The following CAMKMT variants were observed in gnomAD, a reference collection of about 807,000 sequenced individuals.
CAMKMT encodes CaM KMT.
A neutral mutation model predicts 48.0 loss-of-function variants in CAMKMT; 53 were observed. The ratio of observed to expected loss-of-function variants is 1.10; its 90% CI spans 0.89 to 1.39. The LOEUF is 1.39. Among genes scored for constraint, CAMKMT ranks in the 40% most tolerant of loss-of-function variants. The pLI, the probability that CAMKMT is intolerant of heterozygous loss-of-function variation, is 0.00. For missense variants in CAMKMT, 428 were observed against 402.7 expected (o/e 1.06, Z -0.54); for synonymous variants, 165 against 152.3 (o/e 1.08, Z -0.61).
At chr2:44,459,825 G>A (rs1667759384) in intron 3 of CAMKMT, among the ~76,000 whole-genome samples, 1 of 152,164 alleles carries the variant, frequency 6.6e-6, no homozygotes, top group Admixed American at 6.6e-5. Flanking sequence ...AGCTTTAACT[G>A]GGGCAGACAG....
intron 3 of CAMKMT, among the ~76,000 whole-genome samples, chr2:44,674,697 T>G (rs145727283): frequency 0.012 from 1,778 of 152,340 alleles, 18 homozygotes; most frequent in South Asian, 0.031. Context: ...CAAAGTTATA[T>G]TACATTGAGT....
chr2:44,493,093 C>T (rs1227956073), intron 3 of CAMKMT, among the ~76,000 whole-genome samples: 6 of 151,936 alleles, frequency 3.9e-5, no homozygotes, highest in African/African-American at 1.5e-4. Flanking sequence ...GACGGGGTTT[C>T]ACCATGCTGG....
chr2:44,753,246 C>T (rs1030766065), intron 8 of CAMKMT, among the ~76,000 whole-genome samples: 3 of 107,292 alleles, frequency 2.8e-5, no homozygotes, highest in African/African-American at 4.1e-5. Context: ...GACCCTGTCC[C>T]TACAAAAAAA....
rs529545564 is a variant in CAMKMT at position 44,655,608 on chromosome 2, C to T, written c.377-48675C>T. On this transcript the variant is annotated intron_variant, in intron 3 of 10. Transcript: ENST00000378494. ...CTAAATAGGCCTTGCATTATCTATA[C>T]GCAAATGAGAATATGATTATCCAGG... 8.5e-5 allele frequency among the ~76,000 whole-genome samples: 13 copies of T among 152,230 alleles called. No homozygotes were observed. In the South Asian group the frequency reaches 1.5e-3, roughly 17 times the overall value.
In CAMKMT at chr2:44,512,317, T is replaced by G. The variant is rs549687533; in HGVS notation, c.376+122012T>G. Among the ~76,000 whole-genome samples the G allele has an allele frequency of 1.3e-3, 193 of 152,358 alleles. 1 individual carries two copies. The highest frequency in any genetic ancestry group is 4.5e-3 in the African/African-American group (188 of 41,594). ...CATTTTCTTTATAAACTGAGGCTAA[T>G]AAATCATAGGTTTGCTGTAGGGATG... On this transcript the variant is annotated intron_variant, in intron 3 of 10. Transcript: ENST00000378494.
chr2:44,427,762 A>G (rs1056076919), intron 3 of CAMKMT, among the ~76,000 whole-genome samples: 1 of 152,182 alleles, frequency 6.6e-6, no homozygotes, highest in Admixed American at 6.5e-5. Flanking sequence ...GATTTGTATT[A>G]TATTGAATTT....
chr2:44,398,432 A>C (rs958706114), intron 3 of CAMKMT, among the ~76,000 whole-genome samples: 17 of 152,152 alleles, frequency 1.1e-4, no homozygotes, highest in African/African-American at 3.6e-4. Flanking sequence ...GGGTTTCTGC[A>C]AGGTAGTTGA....
chr2:44,652,077 C>T (rs994017004), intron 3 of CAMKMT, among the ~76,000 whole-genome samples: 2 of 152,174 alleles, frequency 1.3e-5, no homozygotes, highest in African/African-American at 4.8e-5. Context: ...TCTCATCATT[C>T]ACTGTAGTTT....
chr2:44,509,295 A>G (rs886468068), intron 3 of CAMKMT, among the ~76,000 whole-genome samples: 2 of 151,856 alleles, frequency 1.3e-5, no homozygotes, highest in South Asian at 2.1e-4. Context: ...TTACAAAAAA[A>G]AAGTTTTTTG....
At chr2:44,547,974 C>T (rs1667497245) in intron 3 of CAMKMT, among the ~76,000 whole-genome samples, 1 of 152,182 alleles carries the variant, frequency 6.6e-6, no homozygotes, top group South Asian at 2.1e-4. Flanking sequence ...GCACACTGAT[C>T]ACTCTAAATA....
At chr2:44,558,827 G>A (rs1335565781) in intron 3 of CAMKMT, among the ~76,000 whole-genome samples, 2 of 152,064 alleles carry the variant, frequency 1.3e-5, no homozygotes, top group Non-Finnish European at 2.9e-5. Context: ...TAACTATTGG[G>A]TATTATGTTC....
At chr2:44,549,677 C>A in intron 3 of CAMKMT, 2 of 566,404 alleles carry the variant, frequency 3.5e-6, no homozygotes, top group Non-Finnish European at 6.2e-6. Flanking sequence ...TTATGATACT[C>A]TTGCTTATTT....
chr2:44,393,183 T>C (rs1681511456), intron 3 of CAMKMT, among the ~76,000 whole-genome samples: 1 of 152,216 alleles, frequency 6.6e-6, no homozygotes, highest in Admixed American at 6.5e-5. Flanking sequence ...ATGCTCTAAG[T>C]GAAAAGACGT....
At chr2:44,652,600 A>G (rs1674139639) in intron 3 of CAMKMT, among the ~76,000 whole-genome samples, 1 of 152,112 alleles carries the variant, frequency 6.6e-6, no homozygotes, top group South Asian at 2.1e-4. Flanking sequence ...TCTCACCACC[A>G]CTGCCTCCCC....
At chr2:44,659,791 A>T (rs886434705) in intron 3 of CAMKMT, among the ~76,000 whole-genome samples, 3 of 152,120 alleles carry the variant, frequency 2.0e-5, no homozygotes, top group Non-Finnish European at 2.9e-5. Flanking sequence ...TTTTACCTAA[A>T]ATACTCATCT....
At chr2:44,677,946 G>A (rs1675807131) in intron 3 of CAMKMT, among the ~76,000 whole-genome samples, 1 of 151,892 alleles carries the variant, frequency 6.6e-6, no homozygotes, top group Admixed American at 6.6e-5. Flanking sequence ...TGTCACTAAG[G>A]AGTACAATTA....
chr2:44,662,928 C>A (rs758702502), intron 3 of CAMKMT, among the ~76,000 whole-genome samples: 4 of 152,070 alleles, frequency 2.6e-5, no homozygotes, highest in Non-Finnish European at 4.4e-5. Context: ...CAAAAGATTC[C>A]TATATGTCAT....
chr2:44,497,546 G>A (rs1282324886), intron 3 of CAMKMT, among the ~76,000 whole-genome samples: 2 of 152,018 alleles, frequency 1.3e-5, no homozygotes, highest in Non-Finnish European at 2.9e-5. Context: ...ATGTAGTAAA[G>A]ATACACCTGA....
chr2:44,542,643 T>C (rs1264703732), intron 3 of CAMKMT, among the ~76,000 whole-genome samples: 2 of 151,822 alleles, frequency 1.3e-5, no homozygotes, highest in African/African-American at 4.8e-5. Context: ...AAGATCTAAA[T>C]GAGTTAGTTG....
Sources: gnomAD v4.1 joint callset for allele counts (sites outside exome capture counted in the v4.1 genomes callset) on GRCh38, gnomAD v4.1.1 for gene constraint, MANE v1.5 for transcripts, NCBI Gene and HGNC (gene_info 2026-07-23, HGNC 2026-07-21) for gene names.